Variants in PRRT1B observed in about 807,000 individuals in gnomAD.
PRRT1B encodes the protein dispanin subfamily D member 2.
chr9:131,553,898 C>T (rs1236648616), intron 1 of PRRT1B, among the ~76,000 whole-genome samples: 12 of 152,206 alleles, frequency 7.9e-5, no homozygotes, highest in Admixed American at 7.8e-4. Flanking sequence ...GACCAGGCAC[C>T]ACCAGGACCT....
intron 1 of PRRT1B, among the ~76,000 whole-genome samples, chr9:131,547,666 A>G (rs1290333764): frequency 6.6e-6 from 1 of 152,188 alleles, no homozygotes; most frequent in Non-Finnish European, 1.5e-5. Flanking sequence ...TTGGGAGATC[A>G]ATCCCCTGTC....
chr9:131,548,635 C>T lies in PRRT1B; in HGVS notation c.25+2995C>T, dbSNP rs148577894. The stretch of plus-strand genomic sequence containing the variant: ...TCCCAAATCTTCCTTCTTTCCTTCC[C>T]GCCTGTCCCCTCAGTCCCAACCCCA... On this transcript the variant is annotated intron_variant, in intron 1 of 3. Coordinates refer to ENST00000636672, the Ensembl canonical transcript of PRRT1B. Among the ~76,000 whole-genome samples, 373 of 152,240 alleles carry T rather than the reference C, an allele frequency of 2.5e-3. 14 individuals carry two copies. The East Asian group carries it at 0.067, about 27-fold the overall frequency.
Position 131,556,225 on chromosome 9 carries a change from G to A in PRRT1B, c.642+12G>A. The A allele has an allele frequency of 2.5e-6, 1 of 400,902 alleles. No individual in the cohort carries two copies. The highest frequency in any genetic ancestry group is 4.4e-6 in the Non-Finnish European group (1 of 226,372). 24.8% of individuals were successfully genotyped at this position (400,902 alleles called of 1,614,324 possible). Reference sequence around the variant, plus strand: ...TCTACTCCCACGAGGTAGGTGCGGGGGCGGCCCTGGGCACAGCCTCTCCTA... The same window carrying A: ...TCTACTCCCACGAGGTAGGTGCGGGAGCGGCCCTGGGCACAGCCTCTCCTA... On this transcript the variant is annotated intron_variant, in intron 3 of 3. Transcript: ENST00000636672.
At chr9:131,552,654 T>TG (rs147772510) in intron 1 of PRRT1B, among the ~76,000 whole-genome samples, 9,292 of 149,262 alleles carry the variant, frequency 0.062, 826 homozygotes, top group African/African-American at 0.2. Context: ...ACATGCAGTT[T>TG]GGGGGGGAGC....
At chr9:131,556,912 C>T (rs541603663) in intron 3 of PRRT1B, among the ~76,000 whole-genome samples, 4 of 152,122 alleles carry the variant, frequency 2.6e-5, no homozygotes, top group South Asian at 2.1e-4. Context: ...GGATTACAGA[C>T]GTGAGCCACT....
chr9:131,554,703 G>T (rs1350848813), exon 2 of PRRT1B: 2 of 363,894 alleles, frequency 5.5e-6, no homozygotes, highest in African/African-American at 2.1e-5. Context: ...GGACGAGGAC[G>T]GGGCGCCCAG....
chr9:131,545,605 G>C (rs1564415207), exon 1 of PRRT1B: 1 of 395,514 alleles, frequency 2.5e-6, no homozygotes, highest in Non-Finnish European at 4.4e-6. Context: ...CAGCCGCCGC[G>C]GGCTCGGACC....
chr9:131,557,629 GC>G (rs1333401706), intron 3 of PRRT1B, among the ~76,000 whole-genome samples: 2 of 152,232 alleles, frequency 1.3e-5, no homozygotes, highest in Non-Finnish European at 2.9e-5. Flanking sequence ...TGCTGTTCAA[GC>G]CCCCAGCCAT....
At position 131,548,822 on chromosome 9, in the gene PRRT1B, G is replaced by C. The variant is rs150603980; in HGVS notation, c.25+3182G>C. 6.2e-3 allele frequency among the ~76,000 whole-genome samples: 939 copies of C among 152,072 alleles called. 11 individuals are homozygous for C. The highest frequency in any genetic ancestry group is 0.021 in the African/African-American group (866 of 41,462). On this transcript the variant is annotated intron_variant, in intron 1 of 3. Coordinates refer to ENST00000636672, the Ensembl canonical transcript of PRRT1B. The stretch of plus-strand genomic sequence containing the variant: ...TTATCACCTTCCCTCCTCACACCCG[G>C]TCTGGCTTACAGTTTAATTCTGCGA...
chr9:131,547,065 CTTTTTTT>C (rs549825970), intron 1 of PRRT1B, among the ~76,000 whole-genome samples: 53,226 of 101,330 alleles, frequency 0.53, 11,607 homozygotes, highest in Middle Eastern at 0.61. Context: ...CTCCTGTTCG[CTTTTTTT>C]TTTTTTTTTT....
exon 2 of PRRT1B, chr9:131,554,878 C>A: frequency 2.6e-6 from 1 of 380,698 alleles, no homozygotes; most frequent in East Asian, 3.8e-5. Context: ...AAGGCCGCGC[C>A]GCTGCTGTAC....
At chr9:131,549,141 G>A (rs1008898651) in intron 1 of PRRT1B, among the ~76,000 whole-genome samples, 54 of 152,016 alleles carry the variant, frequency 3.6e-4, no homozygotes, top group Middle Eastern at 3.4e-3. Context: ...ATTAAATTCC[G>A]GCCCTCAAAC....
intron 1 of PRRT1B, among the ~76,000 whole-genome samples, chr9:131,546,691 C>A (rs997664720): frequency 3.5e-4 from 53 of 152,006 alleles, no homozygotes; most frequent in African/African-American, 1.2e-3. Context: ...CCGGACCCCC[C>A]TTCCCAGCTG....
intron 3 of PRRT1B, among the ~76,000 whole-genome samples, chr9:131,557,608 T>C (rs1194307833): frequency 6.6e-6 from 1 of 152,190 alleles, no homozygotes; most frequent in Non-Finnish European, 1.5e-5. Flanking sequence ...GACTCAGCCC[T>C]GGCTTGACTC....
At chr9:131,550,320 A>G (rs1951002198) in intron 1 of PRRT1B, among the ~76,000 whole-genome samples, 1 of 152,062 alleles carries the variant, frequency 6.6e-6, no homozygotes, top group Admixed American at 6.6e-5. Flanking sequence ...CTGGATCTCA[A>G]ACATGCTTTC....
chr9:131,552,979 C>T (rs1951021984), intron 1 of PRRT1B, among the ~76,000 whole-genome samples: 1 of 151,876 alleles, frequency 6.6e-6, no homozygotes, highest in Non-Finnish European at 1.5e-5. Context: ...AGCCATTGTG[C>T]CTGGCCATTC....
exon 2 of PRRT1B, chr9:131,554,736 A>T: frequency 6.1e-6 from 2 of 329,040 alleles, no homozygotes; most frequent in East Asian, 9.4e-5. Flanking sequence ...CGCGGGGGGC[A>T]GCGAGCCCGC....
intron 1 of PRRT1B, among the ~76,000 whole-genome samples, chr9:131,550,474 A>G (rs556156406): frequency 6.6e-6 from 1 of 152,192 alleles, no homozygotes; most frequent in East Asian, 1.9e-4. Flanking sequence ...GTCAAGCCCA[A>G]ATTTCTTCCT....
At chr9:131,549,049 C>T (rs895142611) in intron 1 of PRRT1B, among the ~76,000 whole-genome samples, 2 of 152,142 alleles carry the variant, frequency 1.3e-5, no homozygotes. Flanking sequence ...CAGCCCTAGA[C>T]CCTAAAAGGT....
Sources: allele counts gnomAD v4.1 joint callset (sites outside exome capture counted in the v4.1 genomes callset), GRCh38; gene constraint gnomAD v4.1.1; transcripts MANE v1.5; gene names NCBI Gene and HGNC (gene_info 2026-07-23, HGNC 2026-07-21).